GRHL1: variants seen among roughly 807,000 people sequenced by gnomAD.
GRHL1 encodes grainyhead like transcription factor 1.
A neutral mutation model predicts 75.7 loss-of-function variants in GRHL1; 38 were observed. The observed-to-expected ratio is 0.50, with a 90% confidence interval of 0.39 to 0.66. The LOEUF is 0.66. Ranked by LOEUF, GRHL1 falls within the 30% of genes least tolerant of loss-of-function variation. The pLI is 0.00. For synonymous variants in GRHL1, 266 were observed against 279.4 expected, an observed-to-expected ratio of 0.95 and a Z score of 0.48; for missense variants, 589 against 767.5, an observed-to-expected ratio of 0.77 and a Z score of 2.75.
chr2:9,979,884 T>C (rs1668120500), intron 8 of GRHL1, among the ~76,000 whole-genome samples: 1 of 152,252 alleles, frequency 6.6e-6, no homozygotes. Context: ...GTTCATGCAT[T>C]CTTTTCTGTG....
At chr2:9,984,361 A>G (rs373316036) in intron 8 of GRHL1, among the ~76,000 whole-genome samples, 80 of 152,292 alleles carry the variant, frequency 5.3e-4, no homozygotes, top group African/African-American at 1.9e-3. Flanking sequence ...TTAGTTTTAA[A>G]AACTGTAATT....
Position 9,954,896 on chromosome 2 carries a change from T to G in GRHL1, c.21-19T>G, listed in dbSNP as rs776438452. ...GTAGAAAAGTGTGTGTTTTTGTTTT[T>G]TTTTTAATTTCTCTGAAGCAAACGG... is the stretch of plus-strand genomic sequence containing the variant. On this transcript the variant is annotated intron_variant, in intron 1 of 15. Coordinates refer to ENST00000324907, the MANE Select transcript of GRHL1 (RefSeq NM_198182.3). 5.0e-5 allele frequency: 80 copies of G among 1,606,644 alleles called. No individual in the cohort carries two copies. The highest frequency in any genetic ancestry group is 6.8e-5 in the Non-Finnish European group (80 of 1,173,494).
At chr2:9,998,926 G>T in intron 14 of GRHL1, 39 bp from the exon 15 acceptor site, 1 of 1,003,142 alleles carries the variant, frequency 1.0e-6, no homozygotes, top group Non-Finnish European at 1.5e-6. Context: ...CTAAAGCCTT[G>T]ATACAGGGTT....
intron 8 of GRHL1, among the ~76,000 whole-genome samples, chr2:9,966,621 A>G (rs1208037186): frequency 6.6e-6 from 1 of 152,128 alleles, no homozygotes; most frequent in African/African-American, 2.4e-5. Context: ...TTAGAATAAG[A>G]CACTGTATTA....
chr2:9,989,931 T>C lies in GRHL1; in HGVS notation c.1270-765T>C, dbSNP rs934681072. ...ATTCTGCTTGGTTAGATCTGCCACA[T>C]GGTTGATACCAGGCCCTTGGACTGA... On this transcript the variant is annotated intron_variant, in intron 9 of 15. Coordinates refer to ENST00000324907, the MANE Select transcript of GRHL1 (RefSeq NM_198182.3). Among the ~76,000 whole-genome samples, 52 of 152,292 alleles carry C rather than the reference T, an allele frequency of 3.4e-4. 1 individual carries two copies. Among genetic ancestry groups the C allele is most frequent in the African/African-American group, 1.0e-3 (42 of 41,570 alleles).
At chr2:10,000,072 C>T (rs1368381308) in intron 15 of GRHL1, among the ~76,000 whole-genome samples, 7 of 152,230 alleles carry the variant, frequency 4.6e-5, no homozygotes, top group African/African-American at 1.7e-4. Flanking sequence ...TAGCCTTGAA[C>T]TCCTGGGCTC....
intron 14 of GRHL1, 42 bp from the exon 15 acceptor site, chr2:9,998,923 C>T (rs949307766): frequency 1.1e-6 from 1 of 948,548 alleles, no homozygotes; most frequent in Non-Finnish European, 1.6e-6. Flanking sequence ...TTTCTAAAGC[C>T]TTGATACAGG....
intron 12 of GRHL1, 83 bp from the exon 13 acceptor site, chr2:9,995,796 T>C: frequency 2.6e-6 from 2 of 764,176 alleles, no homozygotes; most frequent in South Asian, 3.1e-5. Flanking sequence ...TTAAATCTAG[T>C]TCCATGACAG....
intron 12 of GRHL1, 119 bp downstream of exon 12, chr2:9,993,363 C>T (rs1215109126): frequency 7.5e-5 from 58 of 777,672 alleles, no homozygotes; most frequent in South Asian, 7.4e-4. Context: ...GGATAAGTTG[C>T]CAGCCTGATG....
chr2:9,986,774 A>G (rs1163657746), intron 9 of GRHL1, among the ~76,000 whole-genome samples: 1 of 152,010 alleles, frequency 6.6e-6, no homozygotes, highest in Non-Finnish European at 1.5e-5. Context: ...TGGTGCAATC[A>G]CTGCTCACTG....
intron 1 of GRHL1, among the ~76,000 whole-genome samples, chr2:9,952,219 C>T (rs1666815910): frequency 6.6e-6 from 1 of 152,078 alleles, no homozygotes; most frequent in Admixed American, 6.5e-5. Flanking sequence ...CGGGCCTCCC[C>T]GCCCCCCTCT....
At chr2:9,981,082 C>T (rs1668176635) in intron 8 of GRHL1, among the ~76,000 whole-genome samples, 1 of 152,242 alleles carries the variant, frequency 6.6e-6, no homozygotes, top group African/African-American at 2.4e-5. Context: ...TCTTGTTGCT[C>T]CCACTGGACC....
Position 9,992,247 on chromosome 2 carries a change from A to T in GRHL1, c.1461+101A>T, listed in dbSNP as rs112743138. 202 of 1,041,190 alleles carry T rather than the reference A, an allele frequency of 1.9e-4. No individual in the cohort carries two copies. In the African/African-American group the frequency reaches 2.3e-3, roughly 12 times the overall value. 64.5% of individuals were successfully genotyped at this position (1,041,190 alleles called of 1,614,324 possible). On this transcript the variant is annotated intron_variant, in intron 11 of 15. Coordinates refer to ENST00000324907, the MANE Select transcript of GRHL1 (RefSeq NM_198182.3). The surrounding 1 kb of genome is among the most constrained non-coding windows in gnomAD (Gnocchi z 4.6). ...GGGAAACAGAAGCCAAAATTGAGTGAGGTTTGACCAGTTAGTCAGCTCTTT... is the reference window on the plus strand; with the variant it reads ...GGGAAACAGAAGCCAAAATTGAGTGTGGTTTGACCAGTTAGTCAGCTCTTT...
At chr2:9,957,656 G>A (rs572405903) in intron 2 of GRHL1, among the ~76,000 whole-genome samples, 2 of 152,178 alleles carry the variant, frequency 1.3e-5, no homozygotes, top group African/African-American at 2.4e-5. Context: ...TGATCCACCC[G>A]CCTCGGCCTC....
At chr2:9,956,089 G>A (rs932006649) in intron 2 of GRHL1, among the ~76,000 whole-genome samples, 5 of 152,182 alleles carry the variant, frequency 3.3e-5, no homozygotes, top group African/African-American at 1.2e-4. Flanking sequence ...TGAATGTAGT[G>A]TATATTTTTT....
chr2:9,981,556 C>T (rs750943566), intron 8 of GRHL1, among the ~76,000 whole-genome samples: 7 of 152,240 alleles, frequency 4.6e-5, no homozygotes, highest in Non-Finnish European at 1.0e-4. Context: ...CACGACCACA[C>T]TCATATCCGT....
rs970280590 is a variant in GRHL1 at position 9,990,371 on chromosome 2, G to A, written c.1270-325G>A. Among the ~76,000 whole-genome samples the A allele has an allele frequency of 3.9e-5, 6 of 151,922 alleles. No individual in the cohort carries two copies. Among genetic ancestry groups the A allele is most frequent in the Admixed American group, 6.6e-5 (1 of 15,252 alleles). On this transcript the variant is annotated intron_variant, in intron 9 of 15. Coordinates refer to ENST00000324907, the MANE Select transcript of GRHL1 (RefSeq NM_198182.3). This position sits in a 1 kb window ranked among gnomAD's most constrained non-coding sequence, Gnocchi z 4.2. Reference sequence around the variant, plus strand: ...TCACCATGTTGGCCAGGCTGGTCTCGAACTCCTGACCTCAAATGATCCACC... The same window carrying A: ...TCACCATGTTGGCCAGGCTGGTCTCAAACTCCTGACCTCAAATGATCCACC...
rs1323152718 is a variant in GRHL1, at chr2:9,998,514, A to G, written c.1678-451A>G. Among the ~76,000 whole-genome samples, 71 of 36,518 alleles carry G rather than the reference A, an allele frequency of 1.9e-3. 25 individuals carry two copies. Among genetic ancestry groups the G allele is most frequent in the African/African-American group, 2.7e-3 (20 of 7,404 alleles). The allele number at this position is 36,518 out of a possible 152,430, so 24.0% of individuals were successfully genotyped here. On this transcript the variant is annotated intron_variant, in intron 14 of 15. Transcript: ENST00000324907. ...TACGTATATATACATATATATACGT[A>G]TATATATACATATATATACGTATAT... is the stretch of plus-strand genomic sequence containing the variant.
At chr2:9,958,280 G>A (rs1259536052) in intron 2 of GRHL1, among the ~76,000 whole-genome samples, 11 of 151,246 alleles carry the variant, frequency 7.3e-5, no homozygotes, top group African/African-American at 9.7e-5. Context: ...GGGCTGAAGC[G>A]ATCTTCTCAC....
Sources: gnomAD v4.1 joint callset for allele counts (sites outside exome capture counted in the v4.1 genomes callset) on GRCh38, gnomAD v4.1.1 for gene constraint, Gnocchi (gnomAD v3.1) non-coding constraint, MANE v1.5 for transcripts, NCBI Gene and HGNC (gene_info 2026-07-23, HGNC 2026-07-21) for gene names.